Variants in CYTH1 observed in about 807,000 individuals in gnomAD.
The protein encoded by CYTH1 is cytohesin-1.
CYTH1 carries 18 observed loss-of-function variants against 61.8 expected under a neutral mutation model. The ratio of observed to expected loss-of-function variants is 0.29; its 90% confidence interval spans 0.20 to 0.43. The LOEUF is 0.43. Among genes scored for constraint, CYTH1 ranks in the 20% least tolerant of loss-of-function variants. CYTH1 has a pLI of 1.00. For missense variants in CYTH1, 336 were observed against 510.5 expected, an observed-to-expected ratio of 0.66 and a Z score of 3.29; for synonymous variants, 174 against 184.3, an observed-to-expected ratio of 0.94 and a Z score of 0.45.
chr17:78,718,359 C>T (rs2093200997), intron 1 of CYTH1, among the ~76,000 whole-genome samples: 1 of 152,114 alleles, frequency 6.6e-6, no homozygotes, highest in Non-Finnish European at 1.5e-5. Flanking sequence ...TCTACAGAAA[C>T]TACCACCTGC....
chr17:78,766,612 AT>A (rs1199043980), intron 1 of CYTH1, among the ~76,000 whole-genome samples: 2 of 152,168 alleles, frequency 1.3e-5, no homozygotes, highest in Non-Finnish European at 2.9e-5. Flanking sequence ...GGCTCTTTCA[AT>A]GTAAATGTGT....
At chr17:78,703,146 G>A (rs2093030491) in intron 3 of CYTH1, among the ~76,000 whole-genome samples, 1 of 151,324 alleles carries the variant, frequency 6.6e-6, no homozygotes, top group Non-Finnish European at 1.5e-5. Flanking sequence ...GGGCACAGTG[G>A]CTCATGCCTG....
chr17:78,692,664 G>A (rs1309062253), intron 10 of CYTH1, among the ~76,000 whole-genome samples, 171 bp from the exon 11 acceptor site: 2 of 151,852 alleles, frequency 1.3e-5, no homozygotes, highest in African/African-American at 2.4e-5. Flanking sequence ...AAACAGAAGC[G>A]TCTTTCACAA....
At chr17:78,695,389 C>G (rs1188987576) in intron 10 of CYTH1, among the ~76,000 whole-genome samples, 4 of 152,162 alleles carry the variant, frequency 2.6e-5, no homozygotes, top group African/African-American at 9.7e-5. Flanking sequence ...TTGTTTTTTT[C>G]ACCTTCACTC....
intron 1 of CYTH1, among the ~76,000 whole-genome samples, chr17:78,762,639 TTA>T (rs1405232336): frequency 6.6e-6 from 1 of 152,144 alleles, no homozygotes; most frequent in East Asian, 1.9e-4. Context: ...TCAGCCAACT[TTA>T]GAAGAGGGAG....
At chr17:78,676,682 C>A in intron 13 of CYTH1, 1 of 316,802 alleles carries the variant, frequency 3.2e-6, no homozygotes, top group Non-Finnish European at 6.2e-6. Flanking sequence ...GCGGCACTGC[C>A]CAGCACGATG....
chr17:78,730,161 T>C (rs1034235257), intron 1 of CYTH1, among the ~76,000 whole-genome samples: 1 of 151,932 alleles, frequency 6.6e-6, no homozygotes, highest in African/African-American at 2.4e-5. Context: ...ATTCTGTGAC[T>C]CAGAATCCCA....
chr17:78,779,418 A>G (rs1204350259), intron 1 of CYTH1, among the ~76,000 whole-genome samples: 14 of 151,798 alleles, frequency 9.2e-5, no homozygotes, highest in African/African-American at 2.9e-4. Flanking sequence ...AAAAAAAAAA[A>G]AAAAAGAAAG....
chr17:78,752,227 T>C (rs938223492), intron 1 of CYTH1, among the ~76,000 whole-genome samples: 4 of 152,224 alleles, frequency 2.6e-5, no homozygotes, highest in Admixed American at 6.5e-5. Flanking sequence ...TTTCTATTTC[T>C]AGTAGGTTTA....
chr17:78,746,458 C>T (rs943063967), intron 1 of CYTH1, among the ~76,000 whole-genome samples: 9 of 152,184 alleles, frequency 5.9e-5, no homozygotes, highest in African/African-American at 9.7e-5. Context: ...CAAGGAGACC[C>T]GAGCTCCAAG....
chr17:78,688,715 A>G (rs2092843848), intron 11 of CYTH1, among the ~76,000 whole-genome samples: 1 of 152,104 alleles, frequency 6.6e-6, no homozygotes, highest in African/African-American at 2.4e-5. Flanking sequence ...TTTTCTTTTG[A>G]AAACTCCAAA....
chr17:78,689,365 T>C (rs922521175), intron 11 of CYTH1, among the ~76,000 whole-genome samples: 1 of 152,222 alleles, frequency 6.6e-6, no homozygotes, highest in African/African-American at 2.4e-5. Flanking sequence ...CTAGCATCAC[T>C]GCCTCAGCTC....
chr17:78,761,122 C>A (rs1389687985), intron 1 of CYTH1, among the ~76,000 whole-genome samples: 1 of 152,056 alleles, frequency 6.6e-6, no homozygotes, highest in Non-Finnish European at 1.5e-5. Context: ...TGTGAGCCAC[C>A]GCGCCCAGCC....
intron 1 of CYTH1, among the ~76,000 whole-genome samples, chr17:78,744,837 T>C (rs903628662): frequency 2.8e-5 from 4 of 143,854 alleles, no homozygotes; most frequent in African/African-American, 1.1e-4. Flanking sequence ...TCAAAACCGA[T>C]TAGATGTCAA....
At chr17:78,773,206 A>C (rs1287537172) in intron 1 of CYTH1, among the ~76,000 whole-genome samples, 1 of 152,196 alleles carries the variant, frequency 6.6e-6, no homozygotes. Context: ...GTGGTGGCTC[A>C]TGCCTGTAAT....
At chr17:78,716,222 A>G (rs932590455) in intron 1 of CYTH1, among the ~76,000 whole-genome samples, 1 of 152,200 alleles carries the variant, frequency 6.6e-6, no homozygotes, top group African/African-American at 2.4e-5. Context: ...TAGAAGACCT[A>G]AAAGCAGAAA....
In CYTH1 at chr17:78,702,166, G is replaced by A. The variant is rs374664060; in HGVS notation, c.312C>T (p.Gly104=). ...CGATGGCTGTCTTGTTGAGCCCTTC[G>A]CCTTTATATAAGAACTGGGCAATGT... ...CEDIAQFLYK[G]EGLNKTAIGD... Residue 104 remains glycine (G), a synonymous_variant, in exon 5 of 14, where the codon GGC becomes GGT. Transcript: ENST00000446868. 20 of 1,614,074 alleles carry A rather than the reference G, an allele frequency of 1.2e-5. No homozygotes were observed. The highest frequency in any genetic ancestry group is 6.7e-5 in the African/African-American group (5 of 74,986).
Position 78,736,063 on chromosome 17 carries a change from C to A in CYTH1, c.23-26331G>T, listed in dbSNP as rs577850382. ...AGACCCTGCCCTCCCAGGCTTCAAA[C>A]AGTCCTCACCTAACAACCAAAGGGA... On this transcript the variant is annotated intron_variant, in intron 1 of 13. Transcript: ENST00000446868. Among the ~76,000 whole-genome samples, 7 of 152,368 alleles carry A rather than the reference C, an allele frequency of 4.6e-5. No individual in the cohort carries two copies. The South Asian group carries it at 1.2e-3, about 27-fold the overall frequency.
intron 8 of CYTH1, among the ~76,000 whole-genome samples, 180 bp from the exon 9 acceptor site, chr17:78,698,560 A>T (rs1270705920): frequency 1.3e-5 from 2 of 152,178 alleles, no homozygotes; most frequent in Non-Finnish European, 2.9e-5. Flanking sequence ...CAAAATAAAT[A>T]AGCCTTCCCA....
Sources: allele counts gnomAD v4.1 joint callset (sites outside exome capture counted in the v4.1 genomes callset), GRCh38; gene constraint gnomAD v4.1.1; transcripts MANE v1.5; gene names NCBI Gene and HGNC (gene_info 2026-07-23, HGNC 2026-07-21).